SLC2A9: variants seen among roughly 807,000 people sequenced by gnomAD.
The protein encoded by SLC2A9 is solute carrier family 2, facilitated glucose transporter member 9.
A neutral mutation model predicts 50.6 loss-of-function variants in SLC2A9; 39 were observed. The observed-to-expected ratio is 0.77, with a 90% CI of 0.60 to 1.01. The LOEUF (loss-of-function observed/expected upper bound fraction) is 1.01, where lower values mean the gene tolerates loss of function less well. Among genes scored for constraint, SLC2A9 ranks in the 50% least tolerant of loss-of-function variants. The pLI, the probability that SLC2A9 is intolerant of heterozygous loss-of-function variation, is 0.00. For synonymous variants in SLC2A9, 324 were observed against 276.9 expected (o/e 1.17, Z -1.69); for missense variants, 686 against 677.6 (o/e 1.01, Z -0.14).
chr4:9,926,460 A>G (rs1331539606), intron 6 of SLC2A9, among the ~76,000 whole-genome samples: 1 of 150,852 alleles, frequency 6.6e-6, no homozygotes, highest in Non-Finnish European at 1.5e-5. Context: ...TGTAAAATAA[A>G]CATAATAGCA....
At chr4:9,948,736 T>C (rs1202052804) in intron 5 of SLC2A9, among the ~76,000 whole-genome samples, 1 of 152,154 alleles carries the variant, frequency 6.6e-6, no homozygotes, top group Non-Finnish European at 1.5e-5. Flanking sequence ...GTGCTGAGGG[T>C]TGCTCACCTT....
At chr4:10,002,711 G>T (rs1201648413) in intron 2 of SLC2A9, among the ~76,000 whole-genome samples, 2 of 152,126 alleles carry the variant, frequency 1.3e-5, no homozygotes, top group African/African-American at 4.8e-5. Flanking sequence ...AAATTAGCTG[G>T]GTGTGGTGGT....
chr4:9,874,762 G>A (rs1734006019), intron 10 of SLC2A9, among the ~76,000 whole-genome samples: 2 of 152,194 alleles, frequency 1.3e-5, no homozygotes, highest in African/African-American at 4.8e-5. Context: ...TGTCTAAGGT[G>A]GGATGCTGTG....
intron 3 of SLC2A9, among the ~76,000 whole-genome samples, chr4:9,804,180 AC>A (rs780337155): frequency 5.3e-4 from 81 of 152,306 alleles, no homozygotes; most frequent in South Asian, 1.2e-3. Flanking sequence ...AAATAGCTCT[AC>A]CTGGTGTCAT....
At chr4:9,845,873 A>G (rs912571079) in intron 10 of SLC2A9, among the ~76,000 whole-genome samples, 1 of 152,224 alleles carries the variant, frequency 6.6e-6, no homozygotes, top group African/African-American at 2.4e-5. Context: ...TTTTATTGAA[A>G]TACAGTCATT....
At chr4:10,012,058 T>C (rs542678090) in intron 2 of SLC2A9, among the ~76,000 whole-genome samples, 1 of 152,348 alleles carries the variant, frequency 6.6e-6, no homozygotes, top group South Asian at 2.1e-4. Flanking sequence ...TTACATATCA[T>C]CTATAACTGC....
Position 9,985,725 on chromosome 4 carries a change from TG to T in SLC2A9, c.478del (p.Gln160ArgfsTer17). ...SAALLMACSLQAGAFEMLIVG... is the reference protein window; with the variant it reads ...SAALLMACSLXAGAFEMLIVG... ...GATGAGCATTTCAAAGGCTCCTGCCTGGAGCGAGCAGGCCATCAGCAATGCA... is the reference window on the plus strand; with the variant it reads ...GATGAGCATTTCAAAGGCTCCTGCCTGAGCGAGCAGGCCATCAGCAATGCA... On this transcript the variant is annotated frameshift_variant, in exon 4 of 12. Coordinates refer to ENST00000264784, the MANE Select transcript of SLC2A9 (RefSeq NM_020041.3). LOFTEE classifies it high-confidence loss of function. 6.2e-7 allele frequency: 1 copy of T among 1,614,034 alleles called. No homozygotes were observed. Among genetic ancestry groups the T allele is most frequent in the South Asian group, 1.1e-5 (1 of 91,082 alleles).
intron 10 of SLC2A9, among the ~76,000 whole-genome samples, chr4:9,861,039 C>A (rs1171971903): frequency 6.6e-6 from 1 of 152,192 alleles, no homozygotes; most frequent in African/African-American, 2.4e-5. Context: ...TGCATGACTT[C>A]TCTTCTGAGC....
At chr4:9,903,853 A>C (rs905424652) in intron 8 of SLC2A9, among the ~76,000 whole-genome samples, 3 of 147,352 alleles carry the variant, frequency 2.0e-5, no homozygotes, top group East Asian at 2.0e-4. Flanking sequence ...TAAATATATA[A>C]AATATATTTT....
intron 9 of SLC2A9, among the ~76,000 whole-genome samples, chr4:9,889,984 A>G (rs768107308): frequency 1.3e-5 from 2 of 152,198 alleles, no homozygotes; most frequent in African/African-American, 4.8e-5. Context: ...GATGAAGTAC[A>G]TCGCCACCCC....
At chr4:9,934,507 C>G (rs1746706739) in intron 6 of SLC2A9, among the ~76,000 whole-genome samples, 1 of 152,178 alleles carries the variant, frequency 6.6e-6, no homozygotes, top group Non-Finnish European at 1.5e-5. Flanking sequence ...TCCATCCTGA[C>G]AGAGGTCTGG....
At chr4:9,901,593 C>T (rs2109908905) in intron 8 of SLC2A9, among the ~76,000 whole-genome samples, 1 of 152,316 alleles carries the variant, frequency 6.6e-6, no homozygotes, top group South Asian at 2.1e-4. Flanking sequence ...GCAAAGAAAA[C>T]AATCAACAGA....
At chr4:9,936,790 C>A (rs556602860) in intron 6 of SLC2A9, among the ~76,000 whole-genome samples, 1 of 152,130 alleles carries the variant, frequency 6.6e-6, no homozygotes, top group East Asian at 1.9e-4. Context: ...GGAGTGACTC[C>A]CCCACCACCC....
At chr4:9,917,625 C>G (rs1187456012) in intron 7 of SLC2A9, among the ~76,000 whole-genome samples, 1 of 152,120 alleles carries the variant, frequency 6.6e-6, no homozygotes, top group Non-Finnish European at 1.5e-5. Context: ...GACACTGCAC[C>G]CAGCAAAATT....
chr4:9,830,357 CA>C (rs1316829124), intron 11 of SLC2A9, among the ~76,000 whole-genome samples: 1 of 152,132 alleles, frequency 6.6e-6, no homozygotes, highest in Non-Finnish European at 1.5e-5. Context: ...TGGGGCCTAT[CA>C]GGGGGTTGTG....
chr4:9,883,743 C>T (rs1735652694), intron 10 of SLC2A9, among the ~76,000 whole-genome samples: 1 of 152,198 alleles, frequency 6.6e-6, no homozygotes, highest in Non-Finnish European at 1.5e-5. Flanking sequence ...CATCTTACAG[C>T]TTAGTGCCTA....
chr4:9,943,351 ACTC>A (rs1427997338), intron 5 of SLC2A9, among the ~76,000 whole-genome samples: 2 of 151,440 alleles, frequency 1.3e-5, no homozygotes, highest in South Asian at 2.1e-4. Flanking sequence ...TATTCACAAA[ACTC>A]CTCTGGTTCC....
intron 10 of SLC2A9, among the ~76,000 whole-genome samples, chr4:9,875,284 C>G (rs62293278): frequency 1.5e-5 from 2 of 133,296 alleles, no homozygotes; most frequent in Non-Finnish European, 1.6e-5. Context: ...ATAGGTTACT[C>G]TCTGTCTAAG....
chr4:9,839,124 A>G (rs1248268417), intron 10 of SLC2A9, among the ~76,000 whole-genome samples: 1 of 152,212 alleles, frequency 6.6e-6, no homozygotes, highest in Non-Finnish European at 1.5e-5. Flanking sequence ...TCCAGCATCT[A>G]TATGAAACTT....
Sources: allele counts gnomAD v4.1 joint callset (sites outside exome capture counted in the v4.1 genomes callset), GRCh38; gene constraint gnomAD v4.1.1; transcripts MANE v1.5; gene names NCBI Gene and HGNC (gene_info 2026-07-23, HGNC 2026-07-21).